TMCO4: variants seen among roughly 807,000 people sequenced by gnomAD.
TMCO4 encodes the protein transmembrane and coiled-coil domains 4.
In TMCO4, 58 loss-of-function variants were observed where a neutral mutation model predicts 64.7. The observed-to-expected ratio is 0.90, with a 90% CI of 0.73 to 1.12. TMCO4 has a LOEUF of 1.12. TMCO4 is among the 50% of genes most tolerant of loss of function. TMCO4 has a pLI of 0.00. For missense variants in TMCO4, 780 were observed against 825.9 expected, an observed-to-expected ratio of 0.94 and a Z score of 0.68; for synonymous variants, 325 against 346.1, an observed-to-expected ratio of 0.94 and a Z score of 0.68.
Position 19,700,963 on chromosome 1 carries a change from G to A in TMCO4, c.1265-78C>T, listed in dbSNP as rs574640550. On this transcript the variant is annotated intron_variant, in intron 13 of 15. Coordinates refer to ENST00000294543, the MANE Select transcript of TMCO4 (RefSeq NM_181719.7). ...TGGGAGGGACTCCAACAGCAGTGGA[G>A]GAGATGAATGTCACACACATACACA... The A allele has an allele frequency of 1.6e-4, 180 of 1,113,700 alleles. 1 individual carries two copies. Among genetic ancestry groups the A allele is most frequent in the African/African-American group, 1.3e-3 (83 of 65,162 alleles). The allele number at this position is 1,113,700 out of a possible 1,614,324, so 69.0% of individuals were successfully genotyped here.
chr1:19,780,505 G>A, intron 4 of TMCO4, 75 bp downstream of exon 4: 3 of 1,500,426 alleles, frequency 2.0e-6, no homozygotes, highest in Non-Finnish European at 2.7e-6. Context: ...CATCGTGCCT[G>A]GCAGGCTGTT....
intron 13 of TMCO4, among the ~76,000 whole-genome samples, chr1:19,714,660 C>T (rs562283634): frequency 1.1e-3 from 173 of 152,132 alleles, no homozygotes; most frequent in African/African-American, 4.0e-3. Flanking sequence ...CAGTGGCTCA[C>T]GCCTGTAATC....
intron 14 of TMCO4, among the ~76,000 whole-genome samples, chr1:19,699,530 C>T (rs2095258159): frequency 6.7e-6 from 1 of 148,476 alleles, no homozygotes; most frequent in Non-Finnish European, 1.5e-5. Flanking sequence ...TGGAGTCTTG[C>T]TCGCTGCCAC....
chr1:19,738,424 C>A (rs2095465228), intron 12 of TMCO4: 1 of 152,256 alleles, frequency 6.6e-6, no homozygotes, highest in Non-Finnish European at 1.5e-5. Flanking sequence ...TAGCACAGGG[C>A]AAGGAAAGGG....
chr1:19,728,579 C>T (rs2095417919), intron 13 of TMCO4, among the ~76,000 whole-genome samples: 1 of 152,166 alleles, frequency 6.6e-6, no homozygotes, highest in South Asian at 2.1e-4. Context: ...GAGCTTTGGC[C>T]CAGATCTGCT....
intron 3 of TMCO4, among the ~76,000 whole-genome samples, chr1:19,785,467 A>G (rs561670335): frequency 1.3e-5 from 2 of 152,312 alleles, no homozygotes; most frequent in South Asian, 4.1e-4. Context: ...CTTTCTGGAC[A>G]GGACCTGGAT....
At chr1:19,767,533 G>A (rs1023024036) in intron 6 of TMCO4, among the ~76,000 whole-genome samples, 2 of 152,310 alleles carry the variant, frequency 1.3e-5, no homozygotes. Flanking sequence ...TGTCTTAGGT[G>A]CCCAAGATGG....
intron 13 of TMCO4, 78 bp downstream of exon 13, chr1:19,737,294 T>C (rs1220255909): frequency 1.8e-5 from 26 of 1,447,424 alleles, no homozygotes; most frequent in African/African-American, 1.4e-5. Context: ...GCAAGGCTCA[T>C]GGCCCCTGGC....
rs1205107867 is a variant in TMCO4 at position 19,709,775 on chromosome 1, A to AT, written c.1265-8891dup. 5.5e-3 allele frequency among the ~76,000 whole-genome samples: 786 copies of AT among 142,686 alleles called. 9 individuals are homozygous for AT. Among genetic ancestry groups the AT allele is most frequent in the African/African-American group, 0.019 (734 of 38,690 alleles). 93.6% of individuals were successfully genotyped at this position (142,686 alleles called of 152,430 possible). A position where few individuals can be genotyped will look rare whatever the true frequency, so the allele number is the denominator to read the frequency against. ...CAAACAAAAAAAGCTCTGGAATTCT[A>AT]TTTTTTTTTCTTTTCTTTCTTTTTT... On this transcript the variant is annotated intron_variant, in intron 13 of 15. Transcript: ENST00000294543.
At chr1:19,735,612 C>T (rs910006329) in intron 13 of TMCO4, among the ~76,000 whole-genome samples, 1 of 152,190 alleles carries the variant, frequency 6.6e-6, no homozygotes, top group Non-Finnish European at 1.5e-5. Context: ...GCCTCACATT[C>T]TGGGGACAGC....
Position 19,771,379 on chromosome 1 carries a change from C to T in TMCO4, c.283G>A (p.Gly95Arg). Residue 95 changes from glycine to arginine, a missense_variant, in exon 5 of 16, where the codon GGA (glycine) becomes AGA (arginine). Gly to Arg is a moderately radical substitution (Grantham distance 125). Transcript: ENST00000294543. ...TAFASGLGGE[G>R]ADVFVQILLK... is the part of the protein sequence containing the mutation. ...AAAATTTGAACAAACACATCTGCTC[C>T]TTCACCTCCCAGGCCGCTCGCAAAA... The T allele has an allele frequency of 6.2e-7, 1 of 1,614,190 alleles. No homozygotes were observed. The highest frequency in any genetic ancestry group is 8.5e-7 in the Non-Finnish European group (1 of 1,180,040).
chr1:19,713,165 G>A (rs2095339402), intron 13 of TMCO4, among the ~76,000 whole-genome samples: 1 of 152,144 alleles, frequency 6.6e-6, no homozygotes. Context: ...TCAAGGGGTG[G>A]GGAAACAGAC....
intron 13 of TMCO4, among the ~76,000 whole-genome samples, chr1:19,729,228 C>A (rs946105688): frequency 1.3e-5 from 2 of 152,000 alleles, no homozygotes; most frequent in African/African-American, 4.8e-5. Flanking sequence ...CGGCTCACTG[C>A]AACCTCTGCC....
At chr1:19,763,823 C>T (rs2042611661) in intron 6 of TMCO4, among the ~76,000 whole-genome samples, 2 of 152,226 alleles carry the variant, frequency 1.3e-5, no homozygotes, top group African/African-American at 2.4e-5. Context: ...TACACCCTGT[C>T]CATTGCTGAG....
At chr1:19,740,342 G>C (rs1488135047) in intron 11 of TMCO4, among the ~76,000 whole-genome samples, 1 of 152,208 alleles carries the variant, frequency 6.6e-6, no homozygotes, top group African/African-American at 2.4e-5. Context: ...ACCAGGGCTA[G>C]CCTCTTGCGC....
intron 2 of TMCO4, among the ~76,000 whole-genome samples, chr1:19,792,068 G>A (rs1363523170): frequency 6.6e-6 from 1 of 152,170 alleles, no homozygotes; most frequent in East Asian, 1.9e-4. Flanking sequence ...TTCACCTTCC[G>A]CCATGATTGT....
At chr1:19,799,631 A>C (rs1473792356) in intron 1 of TMCO4, among the ~76,000 whole-genome samples, 2 of 152,212 alleles carry the variant, frequency 1.3e-5, no homozygotes, top group African/African-American at 4.8e-5. Flanking sequence ...CGGCTCTGAA[A>C]ACAAACCAAC....
At chr1:19,742,879 G>A (rs1219680218) in intron 10 of TMCO4, among the ~76,000 whole-genome samples, 2 of 152,004 alleles carry the variant, frequency 1.3e-5, no homozygotes, top group Non-Finnish European at 2.9e-5. Context: ...GTGAAACCCC[G>A]TCTCTACTAA....
chr1:19,698,772 A>T (rs1024550877), intron 14 of TMCO4, among the ~76,000 whole-genome samples: 1 of 152,230 alleles, frequency 6.6e-6, no homozygotes, highest in Non-Finnish European at 1.5e-5. Flanking sequence ...GGGTCTCACA[A>T]AATAATTGAA....
Sources: gnomAD v4.1 joint callset for allele counts (sites outside exome capture counted in the v4.1 genomes callset) on GRCh38, gnomAD v4.1.1 for gene constraint, MANE v1.5 for transcripts, NCBI Gene and HGNC (gene_info 2026-07-23, HGNC 2026-07-21) for gene names.